The following CDK5RAP2 variants were observed in gnomAD, a reference collection of about 807,000 sequenced individuals.
The protein encoded by CDK5RAP2 is CDK5 regulatory subunit associated protein 2.
A neutral mutation model predicts 232.9 loss-of-function variants in CDK5RAP2; 147 were observed. The observed-to-expected ratio is 0.63, with a 90% confidence interval of 0.55 to 0.72. CDK5RAP2 has a LOEUF of 0.72. Ranked by LOEUF, CDK5RAP2 falls within the 30% of genes least tolerant of loss-of-function variation. The pLI, the probability that CDK5RAP2 is intolerant of heterozygous loss-of-function variation, is 0.00. For missense variants in CDK5RAP2, 2,195 were observed against 2,231.5 expected (o/e 0.98, Z 0.33); for synonymous variants, 833 against 833.7 (o/e 1.00, Z 0.01).
At chr9:120,456,991 G>A (rs971347513) in intron 20 of CDK5RAP2, among the ~76,000 whole-genome samples, 5 of 152,132 alleles carry the variant, frequency 3.3e-5, no homozygotes, top group Admixed American at 3.3e-4. Context: ...CCCAAATATC[G>A]TTTATATCCC....
intron 14 of CDK5RAP2, among the ~76,000 whole-genome samples, chr9:120,479,221 A>G (rs2038178714): frequency 6.6e-6 from 1 of 152,210 alleles, no homozygotes; most frequent in South Asian, 2.1e-4. Flanking sequence ...AATAGGAGGG[A>G]AAAAGAGTAG....
At chr9:120,482,720 C>G (rs2038391657) in intron 14 of CDK5RAP2, among the ~76,000 whole-genome samples, 1 of 152,184 alleles carries the variant, frequency 6.6e-6, no homozygotes, top group Non-Finnish European at 1.5e-5. Flanking sequence ...GCCACAAATA[C>G]TTGCTAAACT....
chr9:120,520,673 A>G (rs1323508988), intron 11 of CDK5RAP2, among the ~76,000 whole-genome samples: 3 of 151,644 alleles, frequency 2.0e-5, no homozygotes, highest in Admixed American at 6.6e-5. Context: ...TCTCTCATAT[A>G]TCACATATCA....
intron 12 of CDK5RAP2, among the ~76,000 whole-genome samples, chr9:120,518,210 TGAGAGAGA>T (rs146336954): frequency 0.054 from 2,328 of 43,458 alleles, 53 homozygotes; most frequent in African/African-American, 0.15. Flanking sequence ...TGTGTGTGTG[TGAGAGAGA>T]GAGAGAGAGA....
chr9:120,394,539 G>A lies in CDK5RAP2; in HGVS notation c.5551C>T (p.Arg1851Cys), dbSNP rs774603556. ...NTMKLLQLSKRQEKVIFDQLV... is the reference protein window; with the variant it reads ...NTMKLLQLSKCQEKVIFDQLV... ...TGATCAAAGATGACTTTTTCCTGGC[G>A]CTTGCTCAGCTGCAAAAGCTTCATG... The change falls in exon 36 of 38, where the codon CGC (arginine) becomes TGC (cysteine). Residue 1851 changes from arginine to cysteine, a missense_variant. By Grantham distance (180) the Arg-to-Cys change is radical. Transcript: ENST00000349780. 2.7e-5 allele frequency: 44 copies of A among 1,613,970 alleles called. No homozygotes were observed. The South Asian group carries it at 3.4e-4, about 12-fold the overall frequency.
chr9:120,402,730 C>A (rs1394332330), intron 34 of CDK5RAP2, 76 bp downstream of exon 34: 3 of 1,551,962 alleles, frequency 1.9e-6, no homozygotes, highest in Non-Finnish European at 8.9e-7. Context: ...GACAACTGCG[C>A]CATTTGACTC....
intron 20 of CDK5RAP2, among the ~76,000 whole-genome samples, chr9:120,454,123 T>C (rs2036624471): frequency 6.6e-6 from 1 of 152,206 alleles, no homozygotes; most frequent in Non-Finnish European, 1.5e-5. Flanking sequence ...TAACACAAGG[T>C]ACACAGCAAG....
At chr9:120,484,423 T>A (rs1429507992) in intron 14 of CDK5RAP2, among the ~76,000 whole-genome samples, 1 of 152,172 alleles carries the variant, frequency 6.6e-6, no homozygotes, top group Admixed American at 6.5e-5. Context: ...TTTGTTTTTT[T>A]AAAGAGACTG....
chr9:120,460,748 CTTTT>C, intron 18 of CDK5RAP2, 81 bp from the exon 19 acceptor site: 1 of 1,236,532 alleles, frequency 8.1e-7, no homozygotes, highest in Non-Finnish European at 1.1e-6. Flanking sequence ...TCAGTGATGT[CTTTT>C]TTTTTTTAAT....
chr9:120,402,006 A>T (rs4837766), intron 34 of CDK5RAP2, among the ~76,000 whole-genome samples: 102,563 of 151,896 alleles, frequency 0.68, 34,816 homozygotes, highest in East Asian at 0.8. Flanking sequence ...TTTTATATAT[A>T]TACTGCCAGG....
chr9:120,573,140 T>G (rs1169713802), intron 1 of CDK5RAP2, among the ~76,000 whole-genome samples: 1 of 152,230 alleles, frequency 6.6e-6, no homozygotes, highest in Non-Finnish European at 1.5e-5. Context: ...ATTGTGCTCC[T>G]AGGATAATTT....
At chr9:120,393,102 G>A (rs2131202536) in intron 36 of CDK5RAP2, among the ~76,000 whole-genome samples, 1 of 152,220 alleles carries the variant, frequency 6.6e-6, no homozygotes. Flanking sequence ...CAAGTCCACA[G>A]GGCCATCTGC....
At chr9:120,467,121 A>T (rs1196518163) in intron 18 of CDK5RAP2, among the ~76,000 whole-genome samples, 1 of 152,230 alleles carries the variant, frequency 6.6e-6, no homozygotes, top group African/African-American at 2.4e-5. Flanking sequence ...CCAAACAGAA[A>T]ATCAGAGCCA....
intron 15 of CDK5RAP2, among the ~76,000 whole-genome samples, chr9:120,475,422 A>G (rs941162494): frequency 1.3e-5 from 2 of 152,198 alleles, no homozygotes; most frequent in Non-Finnish European, 2.9e-5. Context: ...GGAGCCCCTC[A>G]TGAAGCTGAG....
At chr9:120,518,343 A>T in intron 12 of CDK5RAP2, 84 bp downstream of exon 12, 2 of 1,079,754 alleles carry the variant, frequency 1.9e-6, no homozygotes, top group Non-Finnish European at 2.9e-6. Context: ...AGTCTTCTGT[A>T]CTGAATATCA....
rs148554919 is a variant in CDK5RAP2 at position 120,459,223 on chromosome 9, G to GAT, written c.2203-603_2203-602dup. 6.6e-3 allele frequency among the ~76,000 whole-genome samples: 1,002 copies of GAT among 152,184 alleles called. 16 individuals are homozygous for GAT. Among genetic ancestry groups the GAT allele is most frequent in the African/African-American group, 0.023 (952 of 41,528 alleles). On this transcript the variant is annotated intron_variant, in intron 19 of 37. Transcript: ENST00000349780. The stretch of plus-strand genomic sequence containing the variant: ...AATTCCCATGGAGATGTTATTTACC[G>GAT]ATCCACCTTCTTGGATCACTGAGGG...
chr9:120,511,418 C>T (rs1175377891), intron 12 of CDK5RAP2, among the ~76,000 whole-genome samples: 2 of 152,184 alleles, frequency 1.3e-5, no homozygotes, highest in African/African-American at 4.8e-5. Context: ...GATATAGTCC[C>T]AGGGACTGAA....
intron 1 of CDK5RAP2, 96 bp downstream of exon 1, chr9:120,579,824 C>T (rs1392692818): frequency 9.1e-6 from 9 of 988,962 alleles, no homozygotes; most frequent in Non-Finnish European, 1.1e-5. Context: ...CCTGGCCAGA[C>T]ACCCTCAAGA....
intron 11 of CDK5RAP2, 30 bp downstream of exon 11, chr9:120,524,956 G>A (rs1236132236): frequency 1.3e-6 from 2 of 1,523,032 alleles, no homozygotes; most frequent in African/African-American, 1.4e-5. Context: ...GGATCAAAGA[G>A]ACAGCCACTT....
Sources: allele counts gnomAD v4.1 joint callset (sites outside exome capture counted in the v4.1 genomes callset), GRCh38; gene constraint gnomAD v4.1.1; transcripts MANE v1.5; gene names NCBI Gene and HGNC (gene_info 2026-07-23, HGNC 2026-07-21).